The following UST variants were observed in gnomAD, a reference collection of about 807,000 sequenced individuals.
UST encodes the protein uronyl 2-sulfotransferase.
UST carries 21 observed loss-of-function variants against 45.6 expected under a neutral mutation model. The ratio of observed to expected loss-of-function variants is 0.46; its 90% CI spans 0.33 to 0.66. UST has a LOEUF of 0.66. Ranked by LOEUF, UST falls within the 30% of genes least tolerant of loss-of-function variation. The probability of loss-of-function intolerance (pLI) is 0.02; values close to 1 mark genes in which losing one functional copy is unlikely to be tolerated. For synonymous variants in UST, 215 were observed against 200.6 expected (o/e 1.07, Z -0.61); for missense variants, 463 against 512.4 (o/e 0.90, Z 0.93).
rs190185170 is a variant in UST at position 149,004,724 on chromosome 6, G to A, written c.682-14415G>A. Among the ~76,000 whole-genome samples the A allele has an allele frequency of 2.3e-3, 354 of 152,276 alleles. 3 individuals carry two copies. Among genetic ancestry groups the A allele is most frequent in the African/African-American group, 8.1e-3 (335 of 41,568 alleles). On this transcript the variant is annotated intron_variant, in intron 5 of 7. Transcript: ENST00000367463. ...GCTCAGATACAGGCAGCAAAACATG[G>A]CTTCAGTTAAGAAATGGAGAACCAG...
chr6:148,870,135 C>CACACACA (rs1454825035), intron 1 of UST, among the ~76,000 whole-genome samples: 1 of 151,456 alleles, frequency 6.6e-6, no homozygotes, highest in East Asian at 1.9e-4. Context: ...CACACACACA[C>CACACACA]ACACACAGTG....
At chr6:148,858,571 A>C (rs1778248399) in intron 1 of UST, among the ~76,000 whole-genome samples, 1 of 151,422 alleles carries the variant, frequency 6.6e-6, no homozygotes, top group Non-Finnish European at 1.5e-5. Flanking sequence ...ATATGTATTC[A>C]TGTGCTATAT....
intron 5 of UST, among the ~76,000 whole-genome samples, chr6:148,987,498 T>A (rs1312261173): frequency 2.0e-5 from 3 of 152,024 alleles, no homozygotes; most frequent in East Asian, 1.9e-4. Context: ...AAAAAAAAAA[T>A]TTCTACTGCA....
intron 1 of UST, among the ~76,000 whole-genome samples, chr6:148,860,021 AT>A (rs1365077466): frequency 6.6e-6 from 1 of 152,146 alleles, no homozygotes; most frequent in African/African-American, 2.4e-5. Flanking sequence ...TTTTTTTCCA[AT>A]TCTGTGAAGA....
At chr6:148,747,955 G>T (rs1005085359) in intron 1 of UST, among the ~76,000 whole-genome samples, 2 of 152,296 alleles carry the variant, frequency 1.3e-5, no homozygotes, top group East Asian at 1.9e-4. Context: ...CCCCACCTCC[G>T]CCACCCGGAT....
chr6:148,884,027 G>T (rs13217636), intron 1 of UST, among the ~76,000 whole-genome samples: 27,934 of 151,708 alleles, frequency 0.18, 2,777 homozygotes, highest in Middle Eastern at 0.33. Flanking sequence ...CAGCTGCTCG[G>T]GAGGCTGAGG....
chr6:148,913,699 T>G (rs907879065), intron 2 of UST, among the ~76,000 whole-genome samples: 28 of 152,172 alleles, frequency 1.8e-4, no homozygotes, highest in African/African-American at 6.3e-4. Flanking sequence ...TATTAATTAT[T>G]GCTTCTGTAG....
intron 4 of UST, 24 bp from the exon 5 acceptor site, chr6:148,964,386 T>C: frequency 1.2e-6 from 2 of 1,613,654 alleles, no homozygotes; most frequent in East Asian, 2.2e-5. Flanking sequence ...TGATGGGTTG[T>C]AACGAACTCA....
At chr6:148,826,982 G>C (rs558036831) in intron 1 of UST, among the ~76,000 whole-genome samples, 1 of 151,266 alleles carries the variant, frequency 6.6e-6, no homozygotes, top group Non-Finnish European at 1.5e-5. Context: ...ATAATCTCCT[G>C]AAGTCTCTTT....
chr6:148,751,642 G>A lies in UST; in HGVS notation c.247+3965G>A, dbSNP rs142174960. Among the ~76,000 whole-genome samples the A allele has an allele frequency of 1.2e-4, 19 of 152,324 alleles. No individual in the cohort carries two copies. The East Asian group carries it at 3.7e-3, about 29-fold the overall frequency. On this transcript the variant is annotated intron_variant, in intron 1 of 7. Coordinates refer to ENST00000367463, the MANE Select transcript of UST (RefSeq NM_005715.3). ...TCTTGATTTCCCACCCTGAGATTGG[G>A]TGGAGGGGGAGCACAAACATACATT...
chr6:148,878,260 C>CG (rs1201876624), intron 1 of UST, among the ~76,000 whole-genome samples: 2 of 57,806 alleles, frequency 3.5e-5, no homozygotes, highest in Non-Finnish European at 6.1e-5. Context: ...TGTATGAGTG[C>CG]GGAGATCGTG....
At chr6:148,996,522 T>C (rs1380214620) in intron 5 of UST, among the ~76,000 whole-genome samples, 1 of 152,200 alleles carries the variant, frequency 6.6e-6, no homozygotes, top group Non-Finnish European at 1.5e-5. Flanking sequence ...CCTGCCCTGT[T>C]TAATCAGTTT....
At chr6:149,011,371 T>C (rs1775808864) in intron 5 of UST, among the ~76,000 whole-genome samples, 1 of 152,158 alleles carries the variant, frequency 6.6e-6, no homozygotes, top group Non-Finnish European at 1.5e-5. Context: ...AAAAACATAG[T>C]TGGACAGAAT....
chr6:148,758,961 G>A (rs1437074267), intron 1 of UST, among the ~76,000 whole-genome samples: 3 of 152,212 alleles, frequency 2.0e-5, no homozygotes, highest in Admixed American at 6.5e-5. Flanking sequence ...AAACAGAACC[G>A]TCAGGCAGAG....
intron 5 of UST, among the ~76,000 whole-genome samples, chr6:149,004,495 G>T (rs1164183284): frequency 6.6e-6 from 1 of 152,096 alleles, no homozygotes. Flanking sequence ...CATGATGAAG[G>T]GCCCATGGTG....
intron 3 of UST, among the ~76,000 whole-genome samples, chr6:148,945,070 A>G (rs1351743549): frequency 6.6e-6 from 1 of 152,208 alleles, no homozygotes; most frequent in Non-Finnish European, 1.5e-5. Flanking sequence ...AAGAAAAGCA[A>G]AAGTTACCAG....
intron 7 of UST, among the ~76,000 whole-genome samples, chr6:149,023,588 G>A (rs1776011054): frequency 6.6e-6 from 1 of 152,144 alleles, no homozygotes; most frequent in African/African-American, 2.4e-5. Context: ...GCACTCTCTT[G>A]TCCCAGCATT....
intron 1 of UST, among the ~76,000 whole-genome samples, chr6:148,754,899 A>G (rs1776065571): frequency 6.6e-6 from 1 of 152,240 alleles, no homozygotes; most frequent in African/African-American, 2.4e-5. Flanking sequence ...TGTTCTAAAG[A>G]ATCCTGGGGG....
At chr6:148,953,721 G>A (rs1194564822) in intron 3 of UST, 151 bp from the exon 4 acceptor site, 3 of 349,308 alleles carry the variant, frequency 8.6e-6, no homozygotes, top group South Asian at 5.2e-5. Flanking sequence ...GCAGTGAACC[G>A]AGATCGAGCT....
Sources: gnomAD v4.1 joint callset for allele counts (sites outside exome capture counted in the v4.1 genomes callset) on GRCh38, gnomAD v4.1.1 for gene constraint, MANE v1.5 for transcripts, NCBI Gene and HGNC (gene_info 2026-07-23, HGNC 2026-07-21) for gene names.